HS2ST1: variants seen among roughly 807,000 people sequenced by gnomAD.
HS2ST1 encodes the protein 2-O-sulfotransferase.
A neutral mutation model predicts 42.9 loss-of-function variants in HS2ST1; 18 were observed. The observed-to-expected ratio is 0.42, with a 90% CI of 0.29 to 0.62. The LOEUF (loss-of-function observed/expected upper bound fraction) is 0.62. Ranked by LOEUF, HS2ST1 falls within the 20% of genes least tolerant of loss-of-function variation. The pLI is 0.21. For missense variants in HS2ST1, 334 were observed against 433.8 expected (o/e 0.77, Z 2.04); for synonymous variants, 146 against 152.9 (o/e 0.95, Z 0.33).
intron 1 of HS2ST1, among the ~76,000 whole-genome samples, chr1:86,973,786 A>G (rs1302702070): frequency 6.6e-6 from 1 of 152,194 alleles, no homozygotes; most frequent in Non-Finnish European, 1.5e-5. Context: ...GTTCTCCTTG[A>G]ACCCAGTTTT....
intron 1 of HS2ST1, among the ~76,000 whole-genome samples, chr1:87,030,770 C>T (rs1405525263): frequency 6.6e-6 from 1 of 152,064 alleles, no homozygotes; most frequent in African/African-American, 2.4e-5. Context: ...ATTTCACAGA[C>T]AAATATTTCT....
rs146690780 is a variant in HS2ST1 at position 87,039,374 on chromosome 1, A to G, written c.125-33560A>G. Among the ~76,000 whole-genome samples the G allele has an allele frequency of 3.3e-5, 5 of 152,268 alleles. No individual in the cohort carries two copies. In the East Asian group the frequency reaches 9.7e-4, roughly 29 times the overall value. ...GGTATCTTTGCTATTCTGGACTGTT[A>G]GTTTGCTTCCTGATGTGCCTCTGCT... On this transcript the variant is annotated intron_variant, in intron 1 of 6. Coordinates refer to ENST00000370550, the MANE Select transcript of HS2ST1 (RefSeq NM_012262.4).
chr1:87,025,376 A>T (rs945191004), intron 1 of HS2ST1, among the ~76,000 whole-genome samples: 1 of 152,184 alleles, frequency 6.6e-6, no homozygotes, highest in African/African-American at 2.4e-5. Flanking sequence ...CACATTTGTC[A>T]TGCTTTCTAG....
chr1:87,012,371 C>T (rs531229698), intron 1 of HS2ST1, among the ~76,000 whole-genome samples: 13 of 152,214 alleles, frequency 8.5e-5, no homozygotes, highest in African/African-American at 2.6e-4. Context: ...TGGTAGCAAG[C>T]AAGAGAGCTT....
chr1:87,002,208 G>T (rs10782589), intron 1 of HS2ST1, among the ~76,000 whole-genome samples: 3 of 152,050 alleles, frequency 2.0e-5, no homozygotes, highest in East Asian at 1.9e-4. Context: ...CACCGTGCCC[G>T]GCCGGACTAT....
At chr1:87,052,406 C>A (rs1650859787) in intron 1 of HS2ST1, among the ~76,000 whole-genome samples, 1 of 152,142 alleles carries the variant, frequency 6.6e-6, no homozygotes, top group Non-Finnish European at 1.5e-5. Context: ...AGATGAATAT[C>A]TTTAACATGG....
At position 86,953,316 on chromosome 1, in the gene HS2ST1, A is replaced by C. The variant is rs545051027; in HGVS notation, c.124+38156A>C. ...TTAAACTTTCTCCATTTCAGCGATAAGGCAGTTTCGTTTTCTTATCATGGT... is the reference window on the plus strand; with the variant it reads ...TTAAACTTTCTCCATTTCAGCGATACGGCAGTTTCGTTTTCTTATCATGGT... On this transcript the variant is annotated intron_variant, in intron 1 of 6. Coordinates refer to ENST00000370550, the MANE Select transcript of HS2ST1 (RefSeq NM_012262.4). Among the ~76,000 whole-genome samples, 117 of 152,332 alleles carry C rather than the reference A, an allele frequency of 7.7e-4. 2 individuals are homozygous for C. The South Asian group carries it at 0.022, about 29-fold the overall frequency.
At chr1:86,922,614 G>A (rs1379695703) in intron 1 of HS2ST1, among the ~76,000 whole-genome samples, 1 of 152,048 alleles carries the variant, frequency 6.6e-6, no homozygotes, top group African/African-American at 2.4e-5. Flanking sequence ...AGAATTCTAA[G>A]CTGACATTTT....
At chr1:87,081,027 G>A (rs527927997) in intron 2 of HS2ST1, among the ~76,000 whole-genome samples, 1 of 152,134 alleles carries the variant, frequency 6.6e-6, no homozygotes, top group African/African-American at 2.4e-5. Context: ...TTAAACATAC[G>A]TCTGTCCAAC....
intron 1 of HS2ST1, among the ~76,000 whole-genome samples, chr1:87,058,252 C>G (rs1651027475): frequency 6.6e-6 from 1 of 151,306 alleles, no homozygotes; most frequent in Admixed American, 6.6e-5. Context: ...CTTACCACCC[C>G]CTAAACTGCC....
At chr1:86,964,163 C>T (rs575627280) in intron 1 of HS2ST1, among the ~76,000 whole-genome samples, 43 of 151,310 alleles carry the variant, frequency 2.8e-4, no homozygotes, top group Non-Finnish European at 4.3e-4. Context: ...GGATGGCGGC[C>T]GGGAAGAGGC....
chr1:87,033,345 T>G (rs1303964462), intron 1 of HS2ST1, among the ~76,000 whole-genome samples: 4 of 152,172 alleles, frequency 2.6e-5, no homozygotes, highest in Admixed American at 2.6e-4. Context: ...CCCCATTAGG[T>G]AATGAGGAAT....
chr1:87,039,880 G>A (rs1180606913), intron 1 of HS2ST1, among the ~76,000 whole-genome samples: 1 of 152,172 alleles, frequency 6.6e-6, no homozygotes, highest in Admixed American at 6.6e-5. Context: ...GTTTCTTACA[G>A]TTTTTGATGG....
intron 1 of HS2ST1, among the ~76,000 whole-genome samples, chr1:87,030,524 G>GCA (rs1650205840): frequency 6.6e-6 from 1 of 151,360 alleles, no homozygotes; most frequent in African/African-American, 2.4e-5. Context: ...AGACATGCAT[G>GCA]CACACGCACA....
intron 1 of HS2ST1, among the ~76,000 whole-genome samples, chr1:87,017,604 G>T (rs1238522338): frequency 6.6e-6 from 1 of 152,136 alleles, no homozygotes; most frequent in African/African-American, 2.4e-5. Context: ...TTCGTCTTTT[G>T]TTTCAACAAG....
intron 4 of HS2ST1, among the ~76,000 whole-genome samples, chr1:87,095,352 T>C (rs1179619565): frequency 6.6e-6 from 1 of 152,184 alleles, no homozygotes; most frequent in Non-Finnish European, 1.5e-5. Flanking sequence ...TATTTTGAGG[T>C]GTATTAAACA....
chr1:86,935,789 A>G (rs1224076314), intron 1 of HS2ST1, among the ~76,000 whole-genome samples: 3 of 152,026 alleles, frequency 2.0e-5, no homozygotes, highest in Non-Finnish European at 2.9e-5. Flanking sequence ...TCTCATTTAC[A>G]GAAGTTTCTT....
intron 1 of HS2ST1, among the ~76,000 whole-genome samples, chr1:87,057,450 A>G (rs1244314540): frequency 6.6e-6 from 1 of 151,922 alleles, no homozygotes; most frequent in East Asian, 1.9e-4. Context: ...CTATCTTCTA[A>G]GCTTATTAAG....
intron 1 of HS2ST1, among the ~76,000 whole-genome samples, chr1:86,916,868 T>A (rs1660170235): frequency 6.6e-6 from 1 of 152,222 alleles, no homozygotes; most frequent in Non-Finnish European, 1.5e-5. Context: ...CTTAGACACG[T>A]TACAGTGGGT....
Sources: gnomAD v4.1 joint callset for allele counts (sites outside exome capture counted in the v4.1 genomes callset) on GRCh38, gnomAD v4.1.1 for gene constraint, MANE v1.5 for transcripts, NCBI Gene and HGNC (gene_info 2026-07-23, HGNC 2026-07-21) for gene names.